The following SHROOM4 variants were observed in gnomAD, a reference collection of about 807,000 sequenced individuals.
SHROOM4 encodes the protein shroom family member 4.
SHROOM4 carries 17 observed loss-of-function variants against 80.3 expected under a neutral mutation model. The ratio of observed to expected loss-of-function variants is 0.21; its 90% CI spans 0.14 to 0.32. The LOEUF (loss-of-function observed/expected upper bound fraction) is 0.32, where lower values mean the gene tolerates loss of function less well. SHROOM4 is among the 10% of genes least tolerant of loss of function. The probability of loss-of-function intolerance (pLI) is 1.00; values close to 1 mark genes in which losing one functional copy is unlikely to be tolerated. For synonymous variants in SHROOM4, 400 were observed against 437.5 expected, an observed-to-expected ratio of 0.91 and a Z score of 1.07; for missense variants, 993 against 1,140.3, an observed-to-expected ratio of 0.87 and a Z score of 1.86.
intron 1 of SHROOM4, among the ~76,000 whole-genome samples, chrX:50,788,537 G>T (rs1569549040): frequency 9.2e-6 from 1 of 109,017 alleles, no homozygotes; most frequent in Non-Finnish European, 1.9e-5. Flanking sequence ...GAACCCGGGA[G>T]GCGGAGCTTG....
chrX:50,580,315 A>G, the SHROOM4 span, among the ~76,000 whole-genome samples: 1 of 111,853 alleles, frequency 8.9e-6, no homozygotes, highest in African/African-American at 3.3e-5. Context: ...GGACTTAAAA[A>G]CTTGTATTTC....
chrX:50,653,044 A>G (rs1051710412), intron 2 of SHROOM4, among the ~76,000 whole-genome samples: 2 of 111,814 alleles, frequency 1.8e-5, no homozygotes, highest in South Asian at 7.5e-4. Flanking sequence ...TGTCTTGGCT[A>G]TCCAGGCTCT....
chrX:50,602,839 G>A, intron 6 of SHROOM4, 26 bp from the exon 7 acceptor site: 1 of 1,185,495 alleles, frequency 8.4e-7, no homozygotes, highest in Non-Finnish European at 1.1e-6. Flanking sequence ...ATGACCATTT[G>A]AGCACCTCTG....
intron 1 of SHROOM4, among the ~76,000 whole-genome samples, chrX:50,743,106 AGTGTGTGTGTGT>A (rs56291087): frequency 4.1e-5 from 4 of 98,230 alleles, no homozygotes; most frequent in Non-Finnish European, 6.1e-5. Context: ...CCCATTCAGT[AGTGTGTGTGTGT>A]GTGTGTGTGT....
intron 5 of SHROOM4, among the ~76,000 whole-genome samples, chrX:50,620,322 C>T (rs1930520692): frequency 1.8e-5 from 2 of 111,745 alleles, no homozygotes; most frequent in African/African-American, 6.5e-5. Flanking sequence ...ATTACAACCA[C>T]TCATTTCTGG....
At chrX:50,606,996 G>C (rs1244780987) in intron 6 of SHROOM4, among the ~76,000 whole-genome samples, 1 of 108,537 alleles carries the variant, frequency 9.2e-6, no homozygotes. Flanking sequence ...AAGTGCCTGA[G>C]CCAGGTTTCT....
chrX:50,695,118 C>T (rs1933337349), intron 2 of SHROOM4, among the ~76,000 whole-genome samples: 1 of 110,862 alleles, frequency 9.0e-6, no homozygotes, highest in African/African-American at 3.3e-5. Flanking sequence ...ACTGCACTTA[C>T]CTGCAATGTC....
chrX:50,622,089 T>C (rs1327078659), intron 5 of SHROOM4, among the ~76,000 whole-genome samples: 2 of 112,197 alleles, frequency 1.8e-5, no homozygotes, highest in African/African-American at 6.5e-5. Context: ...ACGGGGTTAT[T>C]ACAAATAATA....
intron 1 of SHROOM4, among the ~76,000 whole-genome samples, chrX:50,752,418 G>A (rs1244371335): frequency 9.0e-6 from 1 of 111,700 alleles, no homozygotes; most frequent in Non-Finnish European, 1.9e-5. Flanking sequence ...AATTCCATTA[G>A]TCAGATTGCC....
intron 2 of SHROOM4, among the ~76,000 whole-genome samples, chrX:50,668,762 CT>C (rs1557260556): frequency 8.9e-6 from 1 of 112,108 alleles, no homozygotes; most frequent in Non-Finnish European, 1.9e-5. Context: ...ATTAGCAAGT[CT>C]TGGCAAAGAT....
intron 1 of SHROOM4, among the ~76,000 whole-genome samples, chrX:50,747,821 G>C (rs1557267744): frequency 8.9e-6 from 1 of 112,114 alleles, no homozygotes. Context: ...GGAGGAGAAG[G>C]GGGGAACATT....
At position 50,595,905 on chromosome X, in the gene SHROOM4, T is replaced by C. The variant is rs1348233632; in HGVS notation, c.*790A>G. Reference sequence around the variant, plus strand: ...TGAAACCTACATCTAGAAGTCAGTTTTAGTAGAGCTATTAATGGCCCATAT... The same window carrying C: ...TGAAACCTACATCTAGAAGTCAGTTCTAGTAGAGCTATTAATGGCCCATAT... On this transcript the variant is annotated 3_prime_UTR_variant, in exon 9 of 9. Coordinates refer to ENST00000376020, the MANE Select transcript of SHROOM4 (RefSeq NM_020717.5). 3.0e-6 allele frequency: 1 copy of C among 328,018 alleles called. No individual in the cohort carries two copies. The highest frequency in any genetic ancestry group is 2.7e-5 in the African/African-American group (1 of 37,695). The allele number at this position is 328,018 out of a possible 1,213,427, so 27.0% of individuals were successfully genotyped here. A position where few individuals can be genotyped will look rare whatever the true frequency, so the allele number is the denominator to read the frequency against.
chrX:50,726,803 T>C (rs781941354), intron 1 of SHROOM4, among the ~76,000 whole-genome samples: 43 of 113,046 alleles, frequency 3.8e-4, no homozygotes, highest in African/African-American at 1.3e-3. Context: ...GAACCTCTAC[T>C]AGGGCAGTTT....
intron 2 of SHROOM4, among the ~76,000 whole-genome samples, chrX:50,653,229 C>T (rs1211313919): frequency 1.8e-5 from 2 of 111,479 alleles, no homozygotes; most frequent in Non-Finnish European, 3.8e-5. Flanking sequence ...TTGTTTGTGT[C>T]CTCTCTTATT....
At chrX:50,731,999 G>A (rs187873565) in intron 1 of SHROOM4, among the ~76,000 whole-genome samples, 2,650 of 111,539 alleles carry the variant, frequency 0.024, 42 homozygotes, top group Middle Eastern at 0.051. Flanking sequence ...CCTGTGGTCC[G>A]AAAAAAGTAT....
chrX:50,632,168 C>T (rs969685609), intron 4 of SHROOM4, among the ~76,000 whole-genome samples: 7 of 111,678 alleles, frequency 6.3e-5, no homozygotes, highest in Non-Finnish European at 1.1e-4. Flanking sequence ...CTCCCATTGG[C>T]GAGCAGTGTT....
intron 1 of SHROOM4, among the ~76,000 whole-genome samples, chrX:50,705,917 G>A (rs1283048551): frequency 9.3e-6 from 1 of 107,683 alleles, no homozygotes; most frequent in Non-Finnish European, 1.9e-5. Context: ...GTAAACAGCA[G>A]CAGATCAGAA....
chrX:50,592,087 T>G lies in SHROOM4; in HGVS notation c.*4608A>C, dbSNP rs1557245674. ...GTGTTTTAACCTTGTATCCTGCAAC[T>G]TTCCTAAATTCATCCAGGCAGGTAG... On this transcript the variant is annotated 3_prime_UTR_variant, in exon 9 of 9. Transcript: ENST00000376020. The G allele has an allele frequency of 3.0e-6, 1 of 329,713 alleles. No homozygotes were observed. Among genetic ancestry groups the G allele is most frequent in the South Asian group, 2.6e-5 (1 of 38,501 alleles). 27.2% of individuals were successfully genotyped at this position (329,713 alleles called of 1,213,427 possible). A position where few individuals can be genotyped will look rare whatever the true frequency, so the allele number is the denominator to read the frequency against.
At chrX:50,742,661 G>A (rs1163216944) in intron 1 of SHROOM4, among the ~76,000 whole-genome samples, 1 of 105,605 alleles carries the variant, frequency 9.5e-6, no homozygotes, top group African/African-American at 3.6e-5. Flanking sequence ...GGCAATCACA[G>A]AAGTGAAATA....
Sources: allele counts gnomAD v4.1 joint callset (sites outside exome capture counted in the v4.1 genomes callset), GRCh38; gene constraint gnomAD v4.1.1; transcripts MANE v1.5; gene names NCBI Gene and HGNC (gene_info 2026-07-23, HGNC 2026-07-21).